The following PP2D1 variants were observed in gnomAD, a reference collection of about 807,000 sequenced individuals.
PP2D1 encodes protein phosphatase 2C-like domain-containing protein 1.
In PP2D1, 25 loss-of-function variants were observed where a neutral mutation model predicts 30.2. That is an observed-to-expected ratio of 0.83 (90% CI 0.60 to 1.16). The LOEUF (loss-of-function observed/expected upper bound fraction) is 1.16, where lower values mean the gene tolerates loss of function less well. PP2D1 is among the 50% of genes most tolerant of loss of function. PP2D1 has a pLI of 0.00. For synonymous variants in PP2D1, 260 were observed against 258.9 expected, an observed-to-expected ratio of 1.00 and a Z score of -0.04; for missense variants, 760 against 742.4, an observed-to-expected ratio of 1.02 and a Z score of -0.28.
intron 2 of PP2D1, among the ~76,000 whole-genome samples, chr3:20,000,750 A>G (rs1195988773): frequency 6.6e-6 from 1 of 152,222 alleles, no homozygotes; most frequent in Non-Finnish European, 1.5e-5. Context: ...TTTGCTTTTC[A>G]TCCTTATCAA....
intron 1 of PP2D1, chr3:20,007,815 A>G (rs538302979): frequency 6.5e-6 from 1 of 154,892 alleles, no homozygotes; most frequent in East Asian, 1.9e-4. Flanking sequence ...GAAATAGGAA[A>G]TAGAATATAA....
chr3:19,992,350 C>T (rs1697128719), intron 2 of PP2D1, among the ~76,000 whole-genome samples: 1 of 151,942 alleles, frequency 6.6e-6, no homozygotes, highest in Admixed American at 6.5e-5. Context: ...TCAGCACCAC[C>T]ATCAAAAAAA....
intron 1 of PP2D1, among the ~76,000 whole-genome samples, chr3:20,008,914 C>T (rs1697354822): frequency 6.6e-6 from 1 of 151,944 alleles, no homozygotes; most frequent in South Asian, 2.1e-4. Context: ...GAAAAAAAAG[C>T]CTGCTCATTC....
intron 2 of PP2D1, among the ~76,000 whole-genome samples, chr3:19,991,898 A>C (rs1426036314): frequency 1.3e-5 from 2 of 152,210 alleles, no homozygotes; most frequent in Non-Finnish European, 2.9e-5. Context: ...CAGGCTTAAG[A>C]TAGTAGGCAG....
intron 2 of PP2D1, 120 bp from the exon 3 acceptor site, chr3:19,986,302 A>G: frequency 2.9e-6 from 2 of 696,206 alleles, no homozygotes. Flanking sequence ...CAGGCTATGT[A>G]AAAGTACGTT....
intron 2 of PP2D1, among the ~76,000 whole-genome samples, chr3:19,987,898 C>T (rs372349132): frequency 9.9e-5 from 15 of 152,282 alleles, no homozygotes; most frequent in Admixed American, 6.5e-4. Flanking sequence ...TAATTTCTTA[C>T]GCATGTCTTT....
chr3:19,997,615 T>C (rs1019124698), intron 2 of PP2D1, among the ~76,000 whole-genome samples: 6 of 152,162 alleles, frequency 3.9e-5, no homozygotes, highest in African/African-American at 1.4e-4. Flanking sequence ...GTCAACTTAA[T>C]GTCCATCAGT....
At chr3:19,983,345 C>CAAAAAA (rs34872300), downstream of PP2D1, among the ~76,000 whole-genome samples, 5 of 92,064 alleles carry the variant, frequency 5.4e-5, no homozygotes, top group African/African-American at 1.6e-4. Flanking sequence ...GACTACATCT[C>CAAAAAA]AAAAAAAAAA....
Position 19,985,966 on chromosome 3 carries a change from G to A in PP2D1, c.1307C>T (p.Pro436Leu). ...ATCTATAGGGACAGAAATAGTTTGAGGTGCTGGGATAATGGATTTTTTCAG... is the reference window on the plus strand; with the variant it reads ...ATCTATAGGGACAGAAATAGTTTGAAGTGCTGGGATAATGGATTTTTTCAG... ...LKLKKSIIPA[P>L]QTISVPIDDL... The change falls in exon 3 of 3, where the codon CCT (proline) becomes CTT (leucine). Residue 436 changes from proline (P) to leucine (L), a missense_variant. Around this residue, in one of 3 missense-constraint regions of PP2D1, gnomAD observed 369 missense variants for 316.2 expected, o/e 1.17. Transcript: ENST00000389050. The A allele has an allele frequency of 6.5e-7, 1 of 1,536,196 alleles. No homozygotes were observed. The highest frequency in any genetic ancestry group is 8.7e-7 in the Non-Finnish European group (1 of 1,146,888).
At chr3:19,983,727 T>A, downstream of PP2D1, 1 of 1,610,664 alleles carries the variant, frequency 6.2e-7, no homozygotes, top group Non-Finnish European at 8.5e-7. Flanking sequence ...TGCCAAAGAA[T>A]GAACCACAAA....
chr3:20,011,896 A>G (rs1028407635), intron 1 of PP2D1, among the ~76,000 whole-genome samples, 154 bp downstream of exon 1: 2 of 152,190 alleles, frequency 1.3e-5, no homozygotes, highest in Non-Finnish European at 2.9e-5. Flanking sequence ...CCTCTTTTGT[A>G]TAAGGCAGAG....
intron 2 of PP2D1, among the ~76,000 whole-genome samples, chr3:19,998,401 G>A (rs992411136): frequency 6.6e-6 from 1 of 151,934 alleles, no homozygotes; most frequent in Non-Finnish European, 1.5e-5. Context: ...GCACATTAGG[G>A]TGACTATAGT....
chr3:19,995,675 G>C (rs1269287781), intron 2 of PP2D1, among the ~76,000 whole-genome samples: 5 of 152,210 alleles, frequency 3.3e-5, no homozygotes, highest in Admixed American at 3.3e-4. Flanking sequence ...AAATGGCACA[G>C]ATGTTGCAAT....
At chr3:19,980,624 C>T (rs1696907781), downstream of PP2D1, among the ~76,000 whole-genome samples, 1 of 152,086 alleles carries the variant, frequency 6.6e-6, no homozygotes, top group Admixed American at 6.6e-5. Flanking sequence ...AGGGAACATG[C>T]TAAAGGGATA....
At chr3:19,995,975 AATAGGGAAATTT>A (rs1416966181) in intron 2 of PP2D1, among the ~76,000 whole-genome samples, 20 of 152,316 alleles carry the variant, frequency 1.3e-4, no homozygotes, top group Admixed American at 5.2e-4. Flanking sequence ...AAGTGATACT[AATAGGGAAATTT>A]ATAGTAATAA....
intron 2 of PP2D1, among the ~76,000 whole-genome samples, chr3:19,987,019 A>G (rs538560026): frequency 6.7e-6 from 1 of 149,368 alleles, no homozygotes; most frequent in South Asian, 2.2e-4. Flanking sequence ...CCTGGGCAAC[A>G]AGAGCAAAAA....
chr3:20,002,440 T>C (rs922924242), intron 1 of PP2D1, among the ~76,000 whole-genome samples: 2 of 152,194 alleles, frequency 1.3e-5, no homozygotes, highest in African/African-American at 2.4e-5. Context: ...ATGTATTGCA[T>C]AATGATGTTT....
At chr3:20,002,898 A>G (rs1697272998) in intron 1 of PP2D1, among the ~76,000 whole-genome samples, 1 of 152,106 alleles carries the variant, frequency 6.6e-6, no homozygotes, top group Non-Finnish European at 1.5e-5. Context: ...TACTGAAAAT[A>G]CAAAAAATTA....
downstream of PP2D1, among the ~76,000 whole-genome samples, chr3:19,980,557 C>T (rs938745920): frequency 2.0e-5 from 3 of 151,802 alleles, no homozygotes; most frequent in East Asian, 1.9e-4. Flanking sequence ...AAAAGTTACT[C>T]GTTCTAGTTT....
Sources: gnomAD v4.1 joint callset for allele counts (sites outside exome capture counted in the v4.1 genomes callset) on GRCh38, gnomAD v4.1.1 for gene constraint, gnomAD v4.1.1 regional missense constraint, MANE v1.5 for transcripts, NCBI Gene and HGNC (gene_info 2026-07-23, HGNC 2026-07-21) for gene names.